The following HDAC2 variants were observed in gnomAD, a reference collection of about 807,000 sequenced individuals.
The protein encoded by HDAC2 is histone deacetylase 2.
Under a neutral mutation model 68.5 loss-of-function variants are expected in HDAC2, and 5 were observed. That is an observed-to-expected ratio of 0.07 (90% CI 0.04 to 0.15). HDAC2 has a LOEUF of 0.15. HDAC2 is among the 10% of genes least tolerant of loss of function. HDAC2 has a pLI of 1.00. For synonymous variants in HDAC2, 182 were observed against 191.3 expected (o/e 0.95, Z 0.40); for missense variants, 291 against 600.8 (o/e 0.48, Z 5.39).
At chr6:113,944,190 C>A (rs1776214691) in intron 11 of HDAC2, 90 bp downstream of exon 11, 2 of 1,111,202 alleles carry the variant, frequency 1.8e-6, no homozygotes, top group Non-Finnish European at 2.7e-6. Context: ...TGCTCGTGAA[C>A]ATGACTTTAT....
chr6:113,963,797 C>T (rs1339172429), intron 1 of HDAC2, among the ~76,000 whole-genome samples: 2 of 152,122 alleles, frequency 1.3e-5, no homozygotes, highest in Non-Finnish European at 2.9e-5. Flanking sequence ...GTTCCTTGAA[C>T]ACAACAAACT....
At chr6:113,963,629 G>A (rs1008137842) in intron 1 of HDAC2, among the ~76,000 whole-genome samples, 7 of 152,066 alleles carry the variant, frequency 4.6e-5, no homozygotes, top group African/African-American at 1.7e-4. Context: ...TTTGATTTTC[G>A]AATTAGGGAT....
chr6:113,945,980 A>G, intron 9 of HDAC2, 28 bp downstream of exon 9: 5 of 1,578,596 alleles, frequency 3.2e-6, no homozygotes, highest in Non-Finnish European at 4.4e-6. Context: ...AGTTCATACA[A>G]TAAAGATATT....
chr6:113,970,813 G>A (rs1360400749), intron 1 of HDAC2, 44 bp downstream of exon 1: 2 of 1,508,180 alleles, frequency 1.3e-6, no homozygotes, highest in African/African-American at 1.4e-5. Context: ...GGAACCCAGC[G>A]CCCGGCCCCG....
intron 6 of HDAC2, among the ~76,000 whole-genome samples, chr6:113,951,624 C>T (rs1014236659): frequency 3.3e-5 from 5 of 152,008 alleles, no homozygotes; most frequent in East Asian, 1.9e-4. Context: ...CCCACCACCA[C>T]GCCCGGCTAA....
chr6:113,957,497 T>C (rs987049866), intron 3 of HDAC2, among the ~76,000 whole-genome samples: 4 of 152,002 alleles, frequency 2.6e-5, no homozygotes, highest in Non-Finnish European at 4.4e-5. Flanking sequence ...TTTTTTTTTT[T>C]TGGAGACAGA....
intron 12 of HDAC2, among the ~76,000 whole-genome samples, chr6:113,942,583 AT>A (rs1776161769): frequency 1.3e-5 from 2 of 152,178 alleles, no homozygotes; most frequent in Non-Finnish European, 2.9e-5. Context: ...CATTACTTGC[AT>A]TAGGAAATGC....
rs1466839928 is a variant in HDAC2, at chr6:113,945,498, A to T, written c.983-28T>A. Reference sequence around the variant, plus strand: ...AATGAAAACAATAAAATAAAGTTACATATTACAAGCTCAGTTTTCACAAAA... The same window carrying T: ...AATGAAAACAATAAAATAAAGTTACTTATTACAAGCTCAGTTTTCACAAAA... On this transcript the variant is annotated intron_variant, in intron 9 of 13. Transcript: ENST00000519065. The T allele has an allele frequency of 3.8e-6, 4 of 1,042,752 alleles. No homozygotes were observed. The African/African-American group carries it at 4.7e-5, about 12-fold the overall frequency. The allele number at this position is 1,042,752 out of a possible 1,614,324, so 64.6% of individuals were successfully genotyped here. A position where few individuals can be genotyped will look rare whatever the true frequency, so the allele number is the denominator to read the frequency against.
intron 1 of HDAC2, among the ~76,000 whole-genome samples, chr6:113,968,863 T>G (rs1419336721): frequency 2.6e-5 from 4 of 152,312 alleles, no homozygotes. Flanking sequence ...GCTACTCAAG[T>G]GTACCCTCCT....
chr6:113,945,953 G>A (rs1353801008), intron 9 of HDAC2, 55 bp downstream of exon 9: 1 of 1,353,148 alleles, frequency 7.4e-7, no homozygotes, highest in Admixed American at 1.8e-5. Flanking sequence ...CATAATTAGA[G>A]GAGCATCTGT....
intron 13 of HDAC2, among the ~76,000 whole-genome samples, 185 bp downstream of exon 13, chr6:113,941,523 A>G (rs1776134399): frequency 1.3e-5 from 2 of 152,250 alleles, no homozygotes; most frequent in South Asian, 2.1e-4. Context: ...TTATACTGAT[A>G]AACCAATAGG....
intron 12 of HDAC2, among the ~76,000 whole-genome samples, chr6:113,943,090 A>G (rs1051583876): frequency 6.6e-6 from 1 of 152,156 alleles, no homozygotes; most frequent in Admixed American, 6.5e-5. Context: ...AATCTATATC[A>G]CAATGCAATG....
chr6:113,964,129 T>C (rs1304490454), intron 1 of HDAC2, among the ~76,000 whole-genome samples: 2 of 152,130 alleles, frequency 1.3e-5, no homozygotes, highest in Non-Finnish European at 1.5e-5. Context: ...TAGCCTCACA[T>C]TGATTCAGGT....
At position 113,937,976 on chromosome 6, in the gene HDAC2, T is replaced by C. The variant is rs1269253195; in HGVS notation, c.*3082A>G. Reference sequence around the variant, plus strand: ...GCCTGGCCAACATAGTGAAACCCCGTCTCTACTAAAAATGCGAACAATTAG... The same window carrying C: ...GCCTGGCCAACATAGTGAAACCCCGCCTCTACTAAAAATGCGAACAATTAG... On this transcript the variant is annotated 3_prime_UTR_variant, in exon 14 of 14. Coordinates refer to ENST00000519065, the MANE Select transcript of HDAC2 (RefSeq NM_001527.4). 2.0e-5 allele frequency: 3 copies of C among 152,118 alleles called. No homozygotes were observed. The highest frequency in any genetic ancestry group is 2.1e-4 in the South Asian group (1 of 4,826). The allele number at this position is 152,118 out of a possible 1,614,324, so 9.4% of individuals were successfully genotyped here. A position where few individuals can be genotyped will look rare whatever the true frequency, so the allele number is the denominator to read the frequency against.
chr6:113,959,537 AT>A (rs1044954801), intron 2 of HDAC2: 2 of 148,886 alleles, frequency 1.3e-5, no homozygotes, highest in African/African-American at 5.0e-5. Context: ...ATGTGTTATT[AT>A]TTTGTAACAG....
chr6:113,960,075 T>C (rs1446336295), intron 1 of HDAC2, 57 bp from the exon 2 acceptor site: 3 of 845,234 alleles, frequency 3.5e-6, no homozygotes, highest in South Asian at 1.4e-5. Context: ...CCATGAACTA[T>C]TTGAATTTAT....
chr6:113,970,953 T>TGCC lies in HDAC2; in HGVS notation c.-46_-45insGGC, dbSNP rs1413259872. On this transcript the variant is annotated 5_prime_UTR_variant, in exon 1 of 14. Transcript: ENST00000519065. ...GCCACCGGGCTCCTCCTCCTGCTGC[T>TGCC]GCTGCTGCTGCTGCTGCCGCCGCGG... 1 of 1,557,798 alleles carries TGCC rather than the reference T, an allele frequency of 6.4e-7. No individual in the cohort carries two copies.
intron 1 of HDAC2, chr6:113,970,644 G>A (rs1776972822): frequency 7.4e-7 from 1 of 1,348,958 alleles, no homozygotes; most frequent in South Asian, 1.9e-5. Flanking sequence ...AAGACGGGCG[G>A]GCCCCCTGAT....
At chr6:113,947,959 A>T (rs533139191) in intron 8 of HDAC2, 15 of 152,188 alleles carry the variant, frequency 9.9e-5, no homozygotes, top group Non-Finnish European at 2.1e-4. Context: ...TGCTACCTAA[A>T]AGTTCACGTG....
Sources: gnomAD v4.1 joint callset for allele counts (sites outside exome capture counted in the v4.1 genomes callset) on GRCh38, gnomAD v4.1.1 for gene constraint, MANE v1.5 for transcripts, NCBI Gene and HGNC (gene_info 2026-07-23, HGNC 2026-07-21) for gene names.